Variants in ZMYM2 observed in about 807,000 individuals in gnomAD.
The protein encoded by ZMYM2 is zinc finger MYM-type protein 2.
ZMYM2 carries 56 observed loss-of-function variants against 162.8 expected under a neutral mutation model. That is an observed-to-expected ratio of 0.34 (90% CI 0.28 to 0.43). ZMYM2 has a LOEUF of 0.43. Ranked by LOEUF, ZMYM2 falls within the 20% of genes least tolerant of loss-of-function variation. The pLI is 1.00. For synonymous variants in ZMYM2, 510 were observed against 541.6 expected (o/e 0.94, Z 0.81); for missense variants, 1,275 against 1,621.8 (o/e 0.79, Z 3.67).
At chr13:19,885,929 G>GTA in the ZMYM2 span, among the ~76,000 whole-genome samples, 10 of 41,568 alleles carry the variant, frequency 2.4e-4, 2 homozygotes, top group African/African-American at 4.9e-4. Flanking sequence ...ATATATATGT[G>GTA]TATACACATA....
chr13:19,890,892 C>T, the ZMYM2 span, among the ~76,000 whole-genome samples: 1 of 151,528 alleles, frequency 6.6e-6, no homozygotes, highest in Admixed American at 6.6e-5. Context: ...AAAAATTCAG[C>T]TACAGCATTT....
At chr13:20,058,785 C>T in intron 15 of ZMYM2, 81 bp downstream of exon 15, 1 of 1,535,652 alleles carries the variant, frequency 6.5e-7, no homozygotes, top group East Asian at 2.3e-5. Context: ...TTGAATGACA[C>T]CTCCAGGATA....
chr13:20,013,973 G>C (rs1283934938), intron 6 of ZMYM2, among the ~76,000 whole-genome samples: 3 of 152,070 alleles, frequency 2.0e-5, no homozygotes, highest in East Asian at 1.9e-4. Context: ...TGTATCTTCT[G>C]ATTTTTGGAA....
intron 2 of ZMYM2, chr13:19,969,951 T>C (rs1056351387): frequency 1.4e-6 from 1 of 735,944 alleles, no homozygotes; most frequent in African/African-American, 1.9e-5. Flanking sequence ...AAATAGATTC[T>C]TAGTACCTGA....
the ZMYM2 span, among the ~76,000 whole-genome samples, chr13:19,870,672 C>A: frequency 1.1e-4 from 17 of 151,464 alleles, no homozygotes; most frequent in Non-Finnish European, 2.9e-5. Flanking sequence ...TGGCACAGTG[C>A]ACAGATCACA....
At chr13:19,893,478 C>T in the ZMYM2 span, among the ~76,000 whole-genome samples, 2 of 151,942 alleles carry the variant, frequency 1.3e-5, no homozygotes, top group Non-Finnish European at 2.9e-5. Flanking sequence ...TGGCTCACGC[C>T]TGTAATCCTA....
chr13:19,878,272 C>T, the ZMYM2 span, among the ~76,000 whole-genome samples: 1 of 151,650 alleles, frequency 6.6e-6, no homozygotes, highest in African/African-American at 2.4e-5. Context: ...AGGCTGGTCT[C>T]GAACTCCTGA....
intron 12 of ZMYM2, among the ~76,000 whole-genome samples, chr13:20,046,564 A>AAAATATAT (rs766574183): frequency 1.5e-4 from 16 of 103,868 alleles, no homozygotes; most frequent in East Asian, 3.0e-4. Flanking sequence ...TAAAAAAAAA[A>AAAATATAT]ATATATATAT....
the ZMYM2 span, among the ~76,000 whole-genome samples, chr13:19,885,913 A>C: frequency 1.1e-5 from 1 of 92,594 alleles, no homozygotes; most frequent in African/African-American, 3.6e-5. Flanking sequence ...ATATATGTAT[A>C]TACACATATA....
At chr13:19,954,613 C>A (rs1954476580), upstream of ZMYM2, among the ~76,000 whole-genome samples, 1 of 152,048 alleles carries the variant, frequency 6.6e-6, no homozygotes, top group Non-Finnish European at 1.5e-5. Context: ...TACCAAACAT[C>A]ATTCAGTATA....
chr13:20,036,724 T>G lies in ZMYM2; in HGVS notation c.2120-13T>G, dbSNP rs1338130172. On this transcript the variant is annotated splice_polypyrimidine_tract_variant and intron_variant, in intron 11 of 24. Transcript: ENST00000610343. ...GTTTTTTTGTTTTAATATATAAATC[T>G]TATATTTTTCAGGCTGCAAATTATT... The G allele has an allele frequency of 6.0e-6, 9 of 1,503,058 alleles. No homozygotes were observed. In the Admixed American group the frequency reaches 9.6e-5, roughly 16 times the overall value. The allele number at this position is 1,503,058 out of a possible 1,614,324, so 93.1% of individuals were successfully genotyped here.
chr13:19,924,038 C>T, the ZMYM2 span, among the ~76,000 whole-genome samples: 1 of 152,080 alleles, frequency 6.6e-6, no homozygotes, highest in African/African-American at 2.4e-5. Context: ...AATCATCTCT[C>T]TCTCTCTCAC....
chr13:19,886,326 G>A, the ZMYM2 span, among the ~76,000 whole-genome samples: 2 of 150,880 alleles, frequency 1.3e-5, no homozygotes, highest in Non-Finnish European at 3.0e-5. Context: ...CACCACACCC[G>A]GCTAAGTTTG....
rs533968566 is a variant in ZMYM2 at position 20,000,975 on chromosome 13, T to A, written c.848-1875T>A. Among the ~76,000 whole-genome samples the A allele has an allele frequency of 3.2e-4, 48 of 152,348 alleles. No homozygotes were observed. The South Asian group carries it at 8.7e-3, about 28-fold the overall frequency. ...ATGGGAGAAGGTCAAAACAGCATTA[T>A]TAACCAGAGTTTGGAAGAAGTTGAT... On this transcript the variant is annotated intron_variant, in intron 3 of 24. Coordinates refer to ENST00000610343, the MANE Select transcript of ZMYM2 (RefSeq NM_197968.4).
chr13:19,864,090 G>A, the ZMYM2 span: 1 of 152,628 alleles, frequency 6.6e-6, no homozygotes, highest in South Asian at 2.1e-4. Context: ...GCCTCTGCTC[G>A]AGGAGAGCGG....
intron 2 of ZMYM2, among the ~76,000 whole-genome samples, chr13:19,977,822 A>G (rs148394039): frequency 6.7e-6 from 1 of 148,998 alleles, no homozygotes; most frequent in Admixed American, 6.7e-5. Context: ...ATTGCTTTTT[A>G]TGTTAAATTT....
chr13:19,869,939 T>A, the ZMYM2 span, among the ~76,000 whole-genome samples: 17 of 152,128 alleles, frequency 1.1e-4, no homozygotes, highest in Non-Finnish European at 2.9e-5. Context: ...CAAATACTTA[T>A]CGTGTCTGTT....
intron 2 of ZMYM2, among the ~76,000 whole-genome samples, chr13:19,962,973 A>C (rs9579748): frequency 0.1 from 15,337 of 151,792 alleles, 1,262 homozygotes; most frequent in African/African-American, 0.22. Context: ...GGCACGTGCC[A>C]CTACACCTGG....
At chr13:20,079,911 T>G (rs1238232591) in intron 21 of ZMYM2, among the ~76,000 whole-genome samples, 1 of 152,234 alleles carries the variant, frequency 6.6e-6, no homozygotes, top group Non-Finnish European at 1.5e-5. Flanking sequence ...ACATGTTGCT[T>G]TATGATAAAA....
Sources: allele counts gnomAD v4.1 joint callset (sites outside exome capture counted in the v4.1 genomes callset), GRCh38; gene constraint gnomAD v4.1.1; transcripts MANE v1.5; gene names NCBI Gene and HGNC (gene_info 2026-07-23, HGNC 2026-07-21).